MYO16: variants seen among roughly 807,000 people sequenced by gnomAD.
MYO16 encodes the protein unconventional myosin-XVI.
Under a neutral mutation model 205.3 loss-of-function variants are expected in MYO16, and 94 were observed. The ratio of observed to expected loss-of-function variants is 0.46; its 90% CI spans 0.39 to 0.54. MYO16 has a LOEUF of 0.54. Ranked by LOEUF, MYO16 falls within the 20% of genes least tolerant of loss-of-function variation. The probability of loss-of-function intolerance (pLI) is 0.00; values close to 1 mark genes in which losing one functional copy is unlikely to be tolerated. For missense variants in MYO16, 2,315 were observed against 2,387.5 expected (o/e 0.97, Z 0.63); for synonymous variants, 988 against 954.0 (o/e 1.04, Z -0.66).
chr13:108,499,354 C>T, the MYO16 span, among the ~76,000 whole-genome samples: 1 of 152,176 alleles, frequency 6.6e-6, no homozygotes, highest in Admixed American at 6.5e-5. Context: ...TCTAGATTTT[C>T]TGGAGGTGCC....
At chr13:108,546,419 A>T in the MYO16 span, among the ~76,000 whole-genome samples, 2 of 152,226 alleles carry the variant, frequency 1.3e-5, no homozygotes, top group African/African-American at 4.8e-5. Flanking sequence ...TTGGCAGTTT[A>T]AAGTGTGTAA....
At chr13:109,090,088 TAGC>T (rs1388041062) in intron 27 of MYO16, among the ~76,000 whole-genome samples, 2 of 152,180 alleles carry the variant, frequency 1.3e-5, no homozygotes, top group Admixed American at 6.5e-5. Context: ...TAAAAGACGA[TAGC>T]AGCCTGTTCT....
In MYO16 at chr13:108,643,920, A is replaced by G. The variant is rs117061112; in HGVS notation, c.28+14048A>G. On this transcript the variant is annotated intron_variant, in intron 1 of 34. Transcript: ENST00000457511. ...CTAGCAGAAATCATAAAAGTGCTGT[A>G]CTCAAACCATTGTGATTTAATTATT... Among the ~76,000 whole-genome samples, 255 of 152,318 alleles carry G rather than the reference A, an allele frequency of 1.7e-3. 2 individuals are homozygous for G. Among genetic ancestry groups the G allele is most frequent in the South Asian group, 0.01 (49 of 4,828 alleles).
chr13:108,995,386 G>A (rs567037646), intron 21 of MYO16, among the ~76,000 whole-genome samples: 23 of 152,234 alleles, frequency 1.5e-4, no homozygotes, highest in African/African-American at 4.8e-4. Context: ...AATTGTGGAG[G>A]AACACATTCA....
chr13:109,060,185 A>C (rs151055385), intron 27 of MYO16, among the ~76,000 whole-genome samples: 6 of 152,196 alleles, frequency 3.9e-5, no homozygotes, highest in Non-Finnish European at 7.3e-5. Flanking sequence ...ACACATTCAC[A>C]TGTATGTTTA....
chr13:108,683,291 C>G (rs751115009), intron 2 of MYO16, among the ~76,000 whole-genome samples: 2 of 152,014 alleles, frequency 1.3e-5, no homozygotes, highest in African/African-American at 2.4e-5. Flanking sequence ...ATTTACAATC[C>G]CAAGCAGAGT....
At chr13:108,600,980 AAG>A (rs1303250458) in intron 1 of MYO16, among the ~76,000 whole-genome samples, 1 of 152,124 alleles carries the variant, frequency 6.6e-6, no homozygotes, top group East Asian at 1.9e-4. Flanking sequence ...AAGAAATATG[AAG>A]AGAGAGAGAA....
chr13:108,662,291 G>A (rs1167235545), intron 1 of MYO16, among the ~76,000 whole-genome samples: 1 of 152,208 alleles, frequency 6.6e-6, no homozygotes, highest in Non-Finnish European at 1.5e-5. Context: ...TTTCCAGAAA[G>A]CATCAGCTGT....
At position 109,206,662 on chromosome 13, in the gene MYO16, C is replaced by T. The variant is rs750785442; in HGVS notation, c.5469C>T (p.Leu1823=). The T allele has an allele frequency of 6.2e-7, 1 of 1,614,120 alleles. No individual in the cohort carries two copies. Among genetic ancestry groups the T allele is most frequent in the Admixed American group, 1.7e-5 (1 of 60,006 alleles). The part of the protein sequence containing the change: ...SENESVALQE[L]LDWRRKLCEE... ...ATGAAAGTGTGGCCCTGCAGGAACT[C>T]TTGGACTGGAGGAGAAAGCTCTGTG... The change falls in exon 35 of 35, where the codon CTC becomes CTT. Residue 1823 remains leucine (L), a synonymous_variant. Coordinates refer to ENST00000457511, the MANE Select transcript of MYO16 (RefSeq NM_001198950.3).
intron 4 of MYO16, among the ~76,000 whole-genome samples, chr13:108,752,989 T>C (rs1885290450): frequency 6.6e-6 from 1 of 151,794 alleles, no homozygotes; most frequent in African/African-American, 2.4e-5. Flanking sequence ...ATGTATTAAA[T>C]ATGTTAATCA....
intron 12 of MYO16, among the ~76,000 whole-genome samples, chr13:108,873,580 T>C (rs1216749957): frequency 6.6e-6 from 1 of 152,172 alleles, no homozygotes; most frequent in Non-Finnish European, 1.5e-5. Flanking sequence ...CAGCAGGCCG[T>C]TCCACCAACC....
intron 4 of MYO16, among the ~76,000 whole-genome samples, chr13:108,753,307 T>C (rs1594265971): frequency 6.9e-6 from 1 of 145,286 alleles, no homozygotes; most frequent in South Asian, 2.1e-4. Context: ...AAGGTGGAGG[T>C]TGCAGTGAGT....
chr13:108,562,898 C>T, the MYO16 span, among the ~76,000 whole-genome samples: 36 of 152,020 alleles, frequency 2.4e-4, no homozygotes, highest in East Asian at 7.7e-4. Context: ...TCATTGTTAA[C>T]GGACTGTGTT....
At position 109,127,009 on chromosome 13, in the gene MYO16, A is replaced by C. The variant is rs529997346; in HGVS notation, c.3783-273A>C. 6.6e-6 allele frequency among the ~76,000 whole-genome samples: 1 copy of C among 152,316 alleles called. No homozygotes were observed. Among genetic ancestry groups the C allele is most frequent in the African/African-American group, 2.4e-5 (1 of 41,566 alleles). ...ATGGAAAATGCGAAGGCCCTTAAGT[A>C]GTGTTGCGTTTGTGTGAGAATGTTT... On this transcript the variant is annotated intron_variant, in intron 30 of 34. Coordinates refer to ENST00000457511, the MANE Select transcript of MYO16 (RefSeq NM_001198950.3). The surrounding 1 kb of genome is among the most constrained non-coding windows in gnomAD (Gnocchi z 4.2).
chr13:108,979,245 T>G (rs1368665632), intron 20 of MYO16, among the ~76,000 whole-genome samples: 1 of 151,904 alleles, frequency 6.6e-6, no homozygotes, highest in African/African-American at 2.4e-5. Context: ...TTTGGGTGAT[T>G]TTTTTTTCCT....
chr13:108,529,875 C>A, the MYO16 span, among the ~76,000 whole-genome samples: 1 of 152,306 alleles, frequency 6.6e-6, no homozygotes, highest in East Asian at 1.9e-4. Flanking sequence ...TTGGGTGCCA[C>A]TGCGATTGCC....
At chr13:108,768,054 G>A (rs74118844) in intron 4 of MYO16, among the ~76,000 whole-genome samples, 3,117 of 152,262 alleles carry the variant, frequency 0.02, 109 homozygotes, top group African/African-American at 0.072. Flanking sequence ...AGAGTGAAGT[G>A]ATCTGCTCCG....
chr13:108,975,724 G>A (rs1884231170), intron 20 of MYO16, among the ~76,000 whole-genome samples: 1 of 151,998 alleles, frequency 6.6e-6, no homozygotes. Flanking sequence ...CCTTTTTGAG[G>A]CAGGTGGTTG....
Position 109,100,658 on chromosome 13 carries a change from G to A in MYO16, c.3336-127G>A, listed in dbSNP as rs1888931985. ...TAAATGCACAATGGACAGGTATTTG[G>A]CTGTTCCTGGGATAAAGAAAGACGG... On this transcript the variant is annotated intron_variant, in intron 27 of 34. Coordinates refer to ENST00000457511, the MANE Select transcript of MYO16 (RefSeq NM_001198950.3). 1.4e-5 allele frequency: 9 copies of A among 647,264 alleles called. No homozygotes were observed. In the East Asian group the frequency reaches 2.5e-4, roughly 18 times the overall value. The allele number at this position is 647,264 out of a possible 1,614,324, so 40.1% of individuals were successfully genotyped here. A position where few individuals can be genotyped will look rare whatever the true frequency, so the allele number is the denominator to read the frequency against.
Sources: gnomAD v4.1 joint callset for allele counts (sites outside exome capture counted in the v4.1 genomes callset) on GRCh38, gnomAD v4.1.1 for gene constraint, Gnocchi (gnomAD v3.1) non-coding constraint, MANE v1.5 for transcripts, NCBI Gene and HGNC (gene_info 2026-07-23, HGNC 2026-07-21) for gene names.